ABCD2: variants seen among roughly 807,000 people sequenced by gnomAD.
ABCD2 encodes ATP binding cassette subfamily D member 2, also known as ATP-binding cassette sub-family D member 2.
A neutral mutation model predicts 70.9 loss-of-function variants in ABCD2; 36 were observed. That is an observed-to-expected ratio of 0.51 (90% confidence interval 0.39 to 0.67). The LOEUF (loss-of-function observed/expected upper bound fraction) is 0.67. Ranked by LOEUF, ABCD2 falls within the 30% of genes least tolerant of loss-of-function variation. ABCD2 has a pLI of 0.00. For missense variants in ABCD2, 729 were observed against 890.2 expected (o/e 0.82, Z 2.30); for synonymous variants, 304 against 306.9 (o/e 0.99, Z 0.10).
chr12:39,599,135 G>A (rs192172731), intron 6 of ABCD2, among the ~76,000 whole-genome samples: 19 of 152,194 alleles, frequency 1.2e-4, no homozygotes, highest in Admixed American at 1.1e-3. Context: ...ATTTTTGTTT[G>A]TTGCAAAGTA....
chr12:39,594,702 A>G (rs1179039534), intron 6 of ABCD2, among the ~76,000 whole-genome samples: 3 of 152,210 alleles, frequency 2.0e-5, no homozygotes, highest in African/African-American at 7.2e-5. Context: ...GGCCAGGTAG[A>G]GTGGCTCACG....
At chr12:39,542,672 TGAA>T in the ABCD2 span, among the ~76,000 whole-genome samples, 1 of 152,012 alleles carries the variant, frequency 6.6e-6, no homozygotes. Flanking sequence ...CTGTGGAGTA[TGAA>T]GAGCAAGAAG....
chr12:39,587,209 G>T (rs531752716), intron 6 of ABCD2, among the ~76,000 whole-genome samples: 1 of 152,134 alleles, frequency 6.6e-6, no homozygotes, highest in South Asian at 2.1e-4. Flanking sequence ...TAGTACATCC[G>T]CTAAGCAGCT....
intron 6 of ABCD2, among the ~76,000 whole-genome samples, chr12:39,599,740 G>A (rs1941870738): frequency 6.6e-6 from 1 of 152,208 alleles, no homozygotes; most frequent in South Asian, 2.1e-4. Context: ...AGGGACATAT[G>A]AGAGCACTAT....
the ABCD2 span, among the ~76,000 whole-genome samples, chr12:39,534,701 C>CAGAAGGAA: frequency 9.0e-6 from 1 of 111,210 alleles, no homozygotes; most frequent in African/African-American, 3.7e-5. Context: ...GAAGGAAGGA[C>CAGAAGGAA]GGAAGGAAGG....
chr12:39,611,250 T>C (rs1180390578), intron 2 of ABCD2, among the ~76,000 whole-genome samples: 2 of 152,108 alleles, frequency 1.3e-5, no homozygotes, highest in Non-Finnish European at 2.9e-5. Context: ...TAATAAGGAA[T>C]AGATATTGGT....
chr12:39,562,144 C>CA (rs1164632146), intron 9 of ABCD2, among the ~76,000 whole-genome samples: 1 of 151,704 alleles, frequency 6.6e-6, no homozygotes, highest in Non-Finnish European at 1.5e-5. Flanking sequence ...CTTCTGAAAA[C>CA]AAAAATGGAA....
At chr12:39,535,600 C>T in the ABCD2 span, among the ~76,000 whole-genome samples, 1,453 of 152,162 alleles carry the variant, frequency 9.5e-3, 16 homozygotes, top group Non-Finnish European at 0.017. Flanking sequence ...TCTCTAAATT[C>T]GAAATATCTT....
chr12:39,617,115 G>A lies in ABCD2; in HGVS notation c.993C>T (p.Asn331=), dbSNP rs775846982. The part of the protein sequence containing the change: ...KSYKALADQM[N]LILSKRLWYI... ...ACCACAAACGTTTGGATAAAATGAG[G>A]TTCATCTGATCTGCTAAAGCTTTGT... The change falls in exon 2 of 10, where the codon AAC becomes AAT. Residue 331 remains asparagine, a synonymous_variant. Coordinates refer to ENST00000308666, the MANE Select transcript of ABCD2 (RefSeq NM_005164.4). The A allele has an allele frequency of 6.2e-7, 1 of 1,611,620 alleles. No individual in the cohort carries two copies. Among genetic ancestry groups the A allele is most frequent in the South Asian group, 1.1e-5 (1 of 90,630 alleles).
At chr12:39,562,134 C>A (rs1170489966) in intron 9 of ABCD2, among the ~76,000 whole-genome samples, 1 of 151,936 alleles carries the variant, frequency 6.6e-6, no homozygotes, top group Non-Finnish European at 1.5e-5. Flanking sequence ...TAAAAATTTT[C>A]TTCTGAAAAC....
intron 9 of ABCD2, among the ~76,000 whole-genome samples, chr12:39,558,176 T>G (rs1941198622): frequency 6.6e-6 from 1 of 152,240 alleles, no homozygotes; most frequent in Admixed American, 6.5e-5. Context: ...AGTTAAAGAT[T>G]ATTTCAGAGC....
intron 1 of ABCD2, 89 bp downstream of exon 1, chr12:39,618,588 C>T: frequency 6.8e-6 from 8 of 1,184,422 alleles, no homozygotes; most frequent in Non-Finnish European, 9.5e-6. Flanking sequence ...AGAAGTGGGT[C>T]CATCGACAGG....
In ABCD2 at chr12:39,619,030, C is replaced by A. The variant is rs746123650; in HGVS notation, c.586G>T (p.Val196Leu). The change falls in exon 1 of 10, where the codon GTG (valine) becomes TTG (leucine). Residue 196 changes from valine (V) to leucine (L), a missense_variant. Physicochemically the swap from Val to Leu is conservative, Grantham distance 32. This residue lies in a region of ABCD2 where 245 missense variants were observed against 261.2 expected (regional missense o/e 0.94). Coordinates refer to ENST00000308666, the MANE Select transcript of ABCD2 (RefSeq NM_005164.4). ...GCCAGCCTCCCATCCATATTGATCACTTTATAATAAGTCTGATTTGTAAAA... is the reference window on the plus strand; with the variant it reads ...GCCAGCCTCCCATCCATATTGATCAATTTATAATAAGTCTGATTTGTAAAA... The part of the protein sequence containing the change: ...TYFTNQTYYK[V>L]INMDGRLANP... 1 of 1,614,204 alleles carries A rather than the reference C, an allele frequency of 6.2e-7. No homozygotes were observed. Among genetic ancestry groups the A allele is most frequent in the South Asian group, 1.1e-5 (1 of 91,082 alleles).
intron 6 of ABCD2, among the ~76,000 whole-genome samples, chr12:39,592,424 A>G (rs1343975845): frequency 6.6e-6 from 1 of 152,190 alleles, no homozygotes; most frequent in Non-Finnish European, 1.5e-5. Flanking sequence ...TCATTCAGTC[A>G]ATCACTTATC....
At chr12:39,558,993 A>G (rs1941211482) in intron 9 of ABCD2, among the ~76,000 whole-genome samples, 1 of 152,212 alleles carries the variant, frequency 6.6e-6, no homozygotes, top group South Asian at 2.1e-4. Flanking sequence ...TGTGAACTTG[A>G]AAACAGGTTA....
At chr12:39,531,343 C>A in the ABCD2 span, among the ~76,000 whole-genome samples, 1 of 152,090 alleles carries the variant, frequency 6.6e-6, no homozygotes, top group African/African-American at 2.4e-5. Flanking sequence ...GAGGGTCTTT[C>A]GGAGGTGATT....
At chr12:39,615,364 T>G (rs1420975702) in intron 2 of ABCD2, among the ~76,000 whole-genome samples, 1 of 152,024 alleles carries the variant, frequency 6.6e-6, no homozygotes, top group Non-Finnish European at 1.5e-5. Flanking sequence ...AATTTTGACT[T>G]TTTTTGGTAA....
intron 6 of ABCD2, among the ~76,000 whole-genome samples, chr12:39,597,205 C>T (rs1393687368): frequency 6.6e-6 from 1 of 152,152 alleles, no homozygotes; most frequent in Non-Finnish European, 1.5e-5. Context: ...TATCTATTAT[C>T]ATCTGTCTTT....
chr12:39,554,406 T>C (rs1484763939), intron 9 of ABCD2, among the ~76,000 whole-genome samples: 3 of 152,146 alleles, frequency 2.0e-5, no homozygotes, highest in African/African-American at 7.2e-5. Context: ...ATTTAATTTC[T>C]TCATAACTCA....
Sources: gnomAD v4.1 joint callset for allele counts (sites outside exome capture counted in the v4.1 genomes callset) on GRCh38, gnomAD v4.1.1 for gene constraint, gnomAD v4.1.1 regional missense constraint, MANE v1.5 for transcripts, NCBI Gene and HGNC (gene_info 2026-07-23, HGNC 2026-07-21) for gene names.